DCAF7: variants seen among roughly 807,000 people sequenced by gnomAD.
The protein encoded by DCAF7 is DDB1 and CUL4 associated factor 7.
In DCAF7, 4 loss-of-function variants were observed where a neutral mutation model predicts 41.2. The observed-to-expected ratio is 0.10, with a 90% CI of 0.05 to 0.22. The LOEUF is 0.22. DCAF7 is among the 10% of genes least tolerant of loss of function. The probability of loss-of-function intolerance (pLI) is 1.00; values close to 1 mark genes in which losing one functional copy is unlikely to be tolerated. For missense variants in DCAF7, 131 were observed against 443.2 expected (o/e 0.30, Z 6.32); for synonymous variants, 143 against 164.2 (o/e 0.87, Z 0.99).
chr17:63,569,574 T>A (rs547186556), intron 1 of DCAF7, among the ~76,000 whole-genome samples: 131 of 151,890 alleles, frequency 8.6e-4, no homozygotes, highest in Middle Eastern at 6.8e-3. Flanking sequence ...CTTTGGTGGT[T>A]TTTTGTTTTT....
At chr17:63,568,714 G>A (rs1310036170) in intron 1 of DCAF7, among the ~76,000 whole-genome samples, 1 of 152,154 alleles carries the variant, frequency 6.6e-6, no homozygotes, top group East Asian at 1.9e-4. Flanking sequence ...GAATCGGAAG[G>A]CAAGAATGAG....
chr17:63,579,093 A>G (rs945127696), intron 2 of DCAF7, among the ~76,000 whole-genome samples: 12 of 152,208 alleles, frequency 7.9e-5, no homozygotes, highest in Non-Finnish European at 1.5e-4. Context: ...CAGGCTGGGC[A>G]AAGTGAGAAG....
intron 1 of DCAF7, among the ~76,000 whole-genome samples, chr17:63,576,589 AC>A (rs1350949974): frequency 6.6e-6 from 1 of 152,134 alleles, no homozygotes; most frequent in Non-Finnish European, 1.5e-5. Flanking sequence ...AATATTTGGG[AC>A]CTGGGATTAG....
intron 1 of DCAF7, among the ~76,000 whole-genome samples, chr17:63,558,192 T>C (rs567907773): frequency 1.3e-5 from 2 of 152,194 alleles, no homozygotes; most frequent in South Asian, 4.1e-4. Context: ...GAGCCTGGCA[T>C]CCCTAGGAAC....
Position 63,588,189 on chromosome 17 carries a change from A to ATTTTTTTTTTTTTTTTTTTTTTTTT in DCAF7, c.857-795_857-794insTTTTTTTTTTTTTTTTTTTTTTTTT, listed in dbSNP as rs377638787. ...GTGTTTCCCATAGCTATTTTCTTGG[A>ATTTTTTTTTTTTTTTTTTTTTTTTT]TTTTTTTTTTTTTTTTGAGATGAAG... On this transcript the variant is annotated intron_variant, in intron 6 of 6. Transcript: ENST00000614556. 5.0e-5 allele frequency among the ~76,000 whole-genome samples: 6 copies of ATTTTTTTTTTTTTTTTTTTTTTTTT among 120,220 alleles called. 1 individual carries two copies. The highest frequency in any genetic ancestry group is 2.4e-4 in the African/African-American group (6 of 25,412). 78.9% of individuals were successfully genotyped at this position (120,220 alleles called of 152,430 possible).
chr17:63,559,609 C>G (rs2033358844), intron 1 of DCAF7, among the ~76,000 whole-genome samples: 1 of 151,194 alleles, frequency 6.6e-6, no homozygotes, highest in Non-Finnish European at 1.5e-5. Context: ...TGAGACCAGT[C>G]TGGTCAGCAT....
chr17:63,588,312 G>T (rs57278090), intron 6 of DCAF7, among the ~76,000 whole-genome samples: 1 of 149,102 alleles, frequency 6.7e-6, no homozygotes, highest in Non-Finnish European at 1.5e-5. Flanking sequence ...CTCAGCCACC[G>T]AAGTAGCTGG....
chr17:63,583,101 G>T (rs1283885363), intron 4 of DCAF7, among the ~76,000 whole-genome samples: 1 of 152,194 alleles, frequency 6.6e-6, no homozygotes, highest in Non-Finnish European at 1.5e-5. Flanking sequence ...CTCTGTGATT[G>T]ATGATCTAGG....
intron 4 of DCAF7, 49 bp from the exon 5 acceptor site, chr17:63,583,453 G>T (rs1285066907): frequency 6.5e-7 from 1 of 1,532,260 alleles, no homozygotes; most frequent in Middle Eastern, 1.7e-4. Context: ...CCTATAGGAA[G>T]AAGAGGTAAT....
chr17:63,579,011 C>G (rs1016236418), intron 2 of DCAF7, among the ~76,000 whole-genome samples: 1 of 152,204 alleles, frequency 6.6e-6, no homozygotes, highest in Admixed American at 6.5e-5. Context: ...TCCCTCCACC[C>G]TCAGCTGAGC....
At chr17:63,559,006 G>A (rs2033339680) in intron 1 of DCAF7, among the ~76,000 whole-genome samples, 1 of 152,000 alleles carries the variant, frequency 6.6e-6, no homozygotes, top group Admixed American at 6.6e-5. Context: ...AAGGTGATAG[G>A]AAATGAAGAA....
rs1472840547 is a variant in DCAF7, at chr17:63,589,313, G to C, written c.*141G>C. 1.7e-6 allele frequency: 2 copies of C among 1,176,930 alleles called. No homozygotes were observed. Among genetic ancestry groups the C allele is most frequent in the Non-Finnish European group, 2.4e-6 (2 of 817,612 alleles). The allele number at this position is 1,176,930 out of a possible 1,614,324, so 72.9% of individuals were successfully genotyped here. A position where few individuals can be genotyped will look rare whatever the true frequency, so the allele number is the denominator to read the frequency against. On this transcript the variant is annotated 3_prime_UTR_variant, in exon 7 of 7. Transcript: ENST00000614556. ...CCCACTGTTACCAGAAGCTGCTCTA[G>C]GAGTTCCTGGCCAGTCACCCCATCG...
rs1182284996 is a variant in DCAF7 at position 63,550,596 on chromosome 17, C to A, written c.-82C>A. 6 of 1,574,060 alleles carry A rather than the reference C, an allele frequency of 3.8e-6. No homozygotes were observed. The highest frequency in any genetic ancestry group is 2.7e-5 in the African/African-American group (2 of 74,438). The stretch of plus-strand genomic sequence containing the variant: ...TGCCCGCCCCCTCCTCTCCTCCCTT[C>A]GGACCCATAGATCTCAGGCTCGGCT... On this transcript the variant is annotated 5_prime_UTR_variant, in exon 1 of 7. Transcript: ENST00000614556. This position sits in a 1 kb window ranked among gnomAD's most constrained non-coding sequence, Gnocchi z 4.8.
chr17:63,570,068 C>T (rs2033488755), intron 1 of DCAF7, among the ~76,000 whole-genome samples: 1 of 152,158 alleles, frequency 6.6e-6, no homozygotes. Flanking sequence ...CCAGCTATGT[C>T]AAGTGTGTGT....
intron 1 of DCAF7, among the ~76,000 whole-genome samples, chr17:63,573,848 C>T (rs1256199370): frequency 6.6e-6 from 1 of 152,126 alleles, no homozygotes; most frequent in African/African-American, 2.4e-5. Context: ...TTGCCATTCT[C>T]ACTATCCCTT....
Position 63,590,611 on chromosome 17 carries a change from C to T in DCAF7, c.*1439C>T, listed in dbSNP as rs1381632195. ...ATGGAGGGGCATATGTGTGATTCCA[C>T]CGTTAGATGAGCCCTTGGGGCAGGC... On this transcript the variant is annotated 3_prime_UTR_variant, in exon 7 of 7. Transcript: ENST00000614556. 2.6e-5 allele frequency: 4 copies of T among 152,630 alleles called. No homozygotes were observed. Among genetic ancestry groups the T allele is most frequent in the Non-Finnish European group, 5.9e-5 (4 of 68,068 alleles). The allele number at this position is 152,630 out of a possible 1,614,324, so 9.5% of individuals were successfully genotyped here. A position where few individuals can be genotyped will look rare whatever the true frequency, so the allele number is the denominator to read the frequency against.
chr17:63,552,958 T>A (rs2033272996), intron 1 of DCAF7, among the ~76,000 whole-genome samples: 1 of 152,238 alleles, frequency 6.6e-6, no homozygotes, highest in African/African-American at 2.4e-5. Context: ...TGCGCTGTCT[T>A]AAAATCATTT....
chr17:63,564,162 CAT>C (rs947200906), intron 1 of DCAF7, among the ~76,000 whole-genome samples: 108 of 150,392 alleles, frequency 7.2e-4, no homozygotes, highest in African/African-American at 1.6e-3. Context: ...CACACACACA[CAT>C]ACACATATAT....
At chr17:63,588,313 A>C (rs972855943) in intron 6 of DCAF7, among the ~76,000 whole-genome samples, 2 of 149,698 alleles carry the variant, frequency 1.3e-5, no homozygotes, top group Non-Finnish European at 3.0e-5. Context: ...TCAGCCACCG[A>C]AGTAGCTGGG....
Sources: allele counts gnomAD v4.1 joint callset (sites outside exome capture counted in the v4.1 genomes callset), GRCh38; gene constraint gnomAD v4.1.1; non-coding constraint Gnocchi (gnomAD v3.1); transcripts MANE v1.5; gene names NCBI Gene and HGNC (gene_info 2026-07-23, HGNC 2026-07-21).